The following DAP variants were observed in gnomAD, a reference collection of about 807,000 sequenced individuals.
DAP encodes death-associated protein 1.
A neutral mutation model predicts 13.8 loss-of-function variants in DAP; 8 were observed. The observed-to-expected ratio is 0.58, with a 90% CI of 0.34 to 1.05. The LOEUF is 1.05. DAP is among the 50% of genes least tolerant of loss of function. The pLI, the probability that DAP is intolerant of heterozygous loss-of-function variation, is 0.03. For synonymous variants in DAP, 47 were observed against 47.5 expected, an observed-to-expected ratio of 0.99 and a Z score of 0.04; for missense variants, 106 against 133.2, an observed-to-expected ratio of 0.80 and a Z score of 1.01.
At chr5:10,689,182 G>GA (rs1738234926) in intron 2 of DAP, among the ~76,000 whole-genome samples, 1 of 152,134 alleles carries the variant, frequency 6.6e-6, no homozygotes, top group Admixed American at 6.5e-5. Flanking sequence ...CCTGAGTGCT[G>GA]GAAAACACAC....
intron 2 of DAP, among the ~76,000 whole-genome samples, chr5:10,691,673 T>C (rs1212743750): frequency 6.6e-6 from 1 of 152,216 alleles, no homozygotes; most frequent in Non-Finnish European, 1.5e-5. Flanking sequence ...GAGTGAAAAC[T>C]ATCAACCCTG....
At chr5:10,723,306 G>A (rs905778777) in intron 2 of DAP, among the ~76,000 whole-genome samples, 3 of 152,196 alleles carry the variant, frequency 2.0e-5, no homozygotes, top group Non-Finnish European at 2.9e-5. Context: ...TTAATTCAAC[G>A]CCCTATATAT....
chr5:10,719,187 G>T (rs1208949816), intron 2 of DAP, among the ~76,000 whole-genome samples: 2 of 152,230 alleles, frequency 1.3e-5, no homozygotes, highest in African/African-American at 2.4e-5. Flanking sequence ...CAATGCCTAG[G>T]GGGCCTATTT....
At chr5:10,719,259 C>T (rs1739073620) in intron 2 of DAP, among the ~76,000 whole-genome samples, 1 of 152,182 alleles carries the variant, frequency 6.6e-6, no homozygotes, top group African/African-American at 2.4e-5. Flanking sequence ...TATCAAGTGA[C>T]CCGAAAGGCT....
chr5:10,692,848 G>A (rs547179811), intron 2 of DAP, among the ~76,000 whole-genome samples: 1 of 152,172 alleles, frequency 6.6e-6, no homozygotes, highest in Non-Finnish European at 1.5e-5. Flanking sequence ...GGCAACTTGT[G>A]AACAAAGTAA....
At chr5:10,708,416 A>C (rs116437134) in intron 2 of DAP, among the ~76,000 whole-genome samples, 3,257 of 148,934 alleles carry the variant, frequency 0.022, 102 homozygotes, top group African/African-American at 0.072. Flanking sequence ...ATACACGCAC[A>C]CAGGCATACA....
chr5:10,690,218 A>G (rs1738272981), intron 2 of DAP, among the ~76,000 whole-genome samples: 1 of 152,200 alleles, frequency 6.6e-6, no homozygotes. Flanking sequence ...GGTCTCCTTT[A>G]GCTCTGGTCT....
chr5:10,742,992 GTTCCC>G (rs1739799635), intron 2 of DAP, among the ~76,000 whole-genome samples: 1 of 151,856 alleles, frequency 6.6e-6, no homozygotes, highest in Non-Finnish European at 1.5e-5. Flanking sequence ...GATACTTCTA[GTTCCC>G]ATCCAACAGC....
At chr5:10,726,602 C>T (rs1465171515) in intron 2 of DAP, among the ~76,000 whole-genome samples, 1 of 152,246 alleles carries the variant, frequency 6.6e-6, no homozygotes, top group Admixed American at 6.5e-5. Flanking sequence ...GACTGCTCTT[C>T]AGCCCCTGCC....
intron 2 of DAP, among the ~76,000 whole-genome samples, chr5:10,698,282 C>CAAAAAAAA (rs71613386): frequency 3.5e-4 from 15 of 42,890 alleles, no homozygotes; most frequent in South Asian, 1.5e-3. Context: ...CCAGACTTAG[C>CAAAAAAAA]AAAAAAAAAA....
intron 2 of DAP, among the ~76,000 whole-genome samples, chr5:10,733,155 CGTGTGTGTGTGTGTGTGTGTGTGT>C (rs55645932): frequency 1.6e-4 from 20 of 128,480 alleles, no homozygotes; most frequent in African/African-American, 3.8e-4. Context: ...AATATTCCTG[CGTGTGTGTGTGTGTGTGTGTGTGT>C]GTGTGTGTGT....
chr5:10,723,081 C>A (rs1739199962), intron 2 of DAP, among the ~76,000 whole-genome samples: 2 of 152,178 alleles, frequency 1.3e-5, no homozygotes, highest in African/African-American at 4.8e-5. Flanking sequence ...GAAATATAGA[C>A]AGATATGCCT....
chr5:10,748,950 C>T (rs564106857), intron 1 of DAP, among the ~76,000 whole-genome samples: 1 of 152,270 alleles, frequency 6.6e-6, no homozygotes, highest in African/African-American at 2.4e-5. Context: ...TTTCATCACC[C>T]CAAACAGAAA....
At chr5:10,711,487 T>C (rs1579799069) in intron 2 of DAP, among the ~76,000 whole-genome samples, 1 of 152,304 alleles carries the variant, frequency 6.6e-6, no homozygotes, top group African/African-American at 2.4e-5. Flanking sequence ...CCCACACTGG[T>C]CCTCTGAGGA....
intron 2 of DAP, among the ~76,000 whole-genome samples, chr5:10,716,980 A>G (rs1381078672): frequency 3.9e-5 from 6 of 152,216 alleles, no homozygotes; most frequent in East Asian, 3.9e-4. Context: ...GAGAATACTG[A>G]TAAGTCCTAG....
chr5:10,759,573 C>G (rs552968898), intron 1 of DAP, among the ~76,000 whole-genome samples: 1 of 152,242 alleles, frequency 6.6e-6, no homozygotes, highest in Admixed American at 6.5e-5. Flanking sequence ...ATCAGTTAGA[C>G]ATTTTTCTTT....
At chr5:10,709,333 C>T (rs760865076) in intron 2 of DAP, among the ~76,000 whole-genome samples, 13 of 152,182 alleles carry the variant, frequency 8.5e-5, no homozygotes, top group East Asian at 3.8e-4. Context: ...TCCGACTATG[C>T]GATGCTGCAG....
chr5:10,704,428 T>C (rs988195514), intron 2 of DAP, among the ~76,000 whole-genome samples: 3 of 152,112 alleles, frequency 2.0e-5, no homozygotes, highest in African/African-American at 7.2e-5. Context: ...ATGGGCACTT[T>C]CCGCTCACCA....
At chr5:10,725,318 C>T (rs1054968726) in intron 2 of DAP, among the ~76,000 whole-genome samples, 1 of 152,154 alleles carries the variant, frequency 6.6e-6, no homozygotes, top group Non-Finnish European at 1.5e-5. Context: ...ATGGTTATGC[C>T]GGGTCCTGAG....
Sources: allele counts gnomAD v4.1 joint callset (sites outside exome capture counted in the v4.1 genomes callset), GRCh38; gene constraint gnomAD v4.1.1; transcripts MANE v1.5; gene names NCBI Gene and HGNC (gene_info 2026-07-23, HGNC 2026-07-21).